The following THSD7B variants were observed in gnomAD, a reference collection of about 807,000 sequenced individuals.
THSD7B encodes the protein thrombospondin type-1 domain-containing protein 7B.
Under a neutral mutation model 213.6 loss-of-function variants are expected in THSD7B, and 138 were observed. The observed-to-expected ratio is 0.65, with a 90% CI of 0.56 to 0.74. THSD7B has a LOEUF of 0.74. Ranked by LOEUF, THSD7B falls within the 30% of genes least tolerant of loss-of-function variation. The pLI is 0.00. For synonymous variants in THSD7B, 742 were observed against 687.0 expected (o/e 1.08, Z -1.25); for missense variants, 1,931 against 1,991.5 (o/e 0.97, Z 0.58).
At chr2:137,100,048 G>A (rs1033555623) in intron 4 of THSD7B, among the ~76,000 whole-genome samples, 2 of 152,058 alleles carry the variant, frequency 1.3e-5, no homozygotes, top group Non-Finnish European at 2.9e-5. Context: ...CCTGAGACCA[G>A]CCTTGTTCTC....
chr2:136,830,582 C>A (rs1474466032), intron 1 of THSD7B, among the ~76,000 whole-genome samples: 1 of 152,092 alleles, frequency 6.6e-6, no homozygotes, highest in African/African-American at 2.4e-5. Context: ...TGTTTTCTTT[C>A]TCCAATGCTG....
intron 5 of THSD7B, among the ~76,000 whole-genome samples, chr2:137,153,257 T>C (rs1342669935): frequency 1.3e-5 from 2 of 152,218 alleles, no homozygotes; most frequent in East Asian, 3.8e-4. Context: ...TATCTTTGCC[T>C]ATAGTGCTGT....
At chr2:137,320,063 C>T (rs1295122210) in intron 12 of THSD7B, among the ~76,000 whole-genome samples, 140 of 152,196 alleles carry the variant, frequency 9.2e-4, no homozygotes, top group Non-Finnish European at 2.1e-4. Flanking sequence ...CTTTGGAGCA[C>T]TTATCATTAG....
At chr2:137,648,004 A>G (rs1392729568) in intron 21 of THSD7B, among the ~76,000 whole-genome samples, 1 of 152,212 alleles carries the variant, frequency 6.6e-6, no homozygotes, top group Non-Finnish European at 1.5e-5. Context: ...CCAAATATCT[A>G]ATAGACTTCT....
At chr2:136,911,069 G>A (rs188868229) in intron 2 of THSD7B, among the ~76,000 whole-genome samples, 6 of 152,124 alleles carry the variant, frequency 3.9e-5, no homozygotes, top group Middle Eastern at 3.4e-3. Context: ...TGCTTTGTTC[G>A]GTAACTAATA....
intron 14 of THSD7B, among the ~76,000 whole-genome samples, chr2:137,444,875 A>G (rs1687494480): frequency 6.6e-6 from 1 of 152,044 alleles, no homozygotes; most frequent in Non-Finnish European, 1.5e-5. Flanking sequence ...TTCATTCAAT[A>G]AGGGATTAAT....
At chr2:137,474,513 GTTTC>G (rs1688157321) in intron 15 of THSD7B, among the ~76,000 whole-genome samples, 8 of 152,126 alleles carry the variant, frequency 5.3e-5, no homozygotes, top group Admixed American at 5.2e-4. Context: ...CACAAGAAGT[GTTTC>G]TTTATTTTCT....
chr2:137,079,581 AT>A (rs1189359931), intron 3 of THSD7B, among the ~76,000 whole-genome samples: 2 of 152,012 alleles, frequency 1.3e-5, no homozygotes, highest in Non-Finnish European at 2.9e-5. Context: ...CCATCCCTTT[AT>A]TTTTAGCCTT....
At chr2:137,378,509 CA>C (rs1387969360) in intron 12 of THSD7B, among the ~76,000 whole-genome samples, 3 of 152,176 alleles carry the variant, frequency 2.0e-5, no homozygotes, top group African/African-American at 7.2e-5. Context: ...TGGGTGGTTT[CA>C]TCATGGCTGA....
chr2:136,977,450 T>G (rs1372543677), intron 2 of THSD7B, among the ~76,000 whole-genome samples: 1 of 152,166 alleles, frequency 6.6e-6, no homozygotes, highest in South Asian at 2.1e-4. Flanking sequence ...TTTCTGTATG[T>G]CTATCTCCTT....
chr2:137,489,571 G>T (rs1688559578), intron 15 of THSD7B, among the ~76,000 whole-genome samples: 2 of 152,076 alleles, frequency 1.3e-5, no homozygotes, highest in Admixed American at 1.3e-4. Flanking sequence ...TTTAAGAATT[G>T]CATTCATTGA....
chr2:137,454,388 T>TTCTA (rs144241982), intron 15 of THSD7B, among the ~76,000 whole-genome samples: 24,273 of 130,044 alleles, frequency 0.19, 2,700 homozygotes, highest in Non-Finnish European at 0.23. Flanking sequence ...TTCAGAGCCA[T>TTCTA]TCTATCTGTC....
chr2:137,245,879 A>G (rs1682020904), intron 10 of THSD7B, among the ~76,000 whole-genome samples: 1 of 152,088 alleles, frequency 6.6e-6, no homozygotes, highest in Non-Finnish European at 1.5e-5. Context: ...GAATGTGCAT[A>G]CAAGTCCCCT....
intron 2 of THSD7B, among the ~76,000 whole-genome samples, chr2:137,037,570 T>C (rs563931999): frequency 6.6e-6 from 1 of 152,270 alleles, no homozygotes; most frequent in African/African-American, 2.4e-5. Context: ...AAAGAGGTCT[T>C]ATTTTTATTT....
chr2:137,502,778 T>G (rs1307819878), intron 15 of THSD7B, among the ~76,000 whole-genome samples: 1 of 152,226 alleles, frequency 6.6e-6, no homozygotes, highest in Non-Finnish European at 1.5e-5. Flanking sequence ...CTGTTTAATC[T>G]CAGCCCCGCA....
intron 12 of THSD7B, among the ~76,000 whole-genome samples, chr2:137,299,215 C>A (rs1683542534): frequency 6.6e-6 from 1 of 152,126 alleles, no homozygotes; most frequent in Non-Finnish European, 1.5e-5. Context: ...GAATTTCAGA[C>A]TTGCATGGAC....
intron 14 of THSD7B, among the ~76,000 whole-genome samples, chr2:137,420,004 T>A (rs901517697): frequency 2.6e-5 from 4 of 152,154 alleles, no homozygotes; most frequent in African/African-American, 9.7e-5. Flanking sequence ...TATTTTTAGT[T>A]TTTTAAGGAA....
intron 2 of THSD7B, among the ~76,000 whole-genome samples, chr2:136,926,762 C>T (rs1328706606): frequency 6.6e-6 from 1 of 151,854 alleles, no homozygotes. Context: ...CTCTTTTGTC[C>T]ACTTTACTCA....
chr2:137,337,441 G>A (rs978376047), intron 12 of THSD7B, among the ~76,000 whole-genome samples: 4 of 152,084 alleles, frequency 2.6e-5, no homozygotes, highest in East Asian at 3.9e-4. Flanking sequence ...TAATAGCATC[G>A]AATCAGAAGT....
Sources: allele counts gnomAD v4.1 joint callset (sites outside exome capture counted in the v4.1 genomes callset), GRCh38; gene constraint gnomAD v4.1.1; transcripts MANE v1.5; gene names NCBI Gene and HGNC (gene_info 2026-07-23, HGNC 2026-07-21).